The following CADM1 variants were observed in gnomAD, a reference collection of about 807,000 sequenced individuals.
The protein encoded by CADM1 is TSLC-1.
A neutral mutation model predicts 53.1 loss-of-function variants in CADM1; 15 were observed. That is an observed-to-expected ratio of 0.28 (90% CI 0.19 to 0.44). The LOEUF is 0.44. Among genes scored for constraint, CADM1 ranks in the 20% least tolerant of loss-of-function variants. The pLI is 1.00. For synonymous variants in CADM1, 281 were observed against 243.0 expected (o/e 1.16, Z -1.45); for missense variants, 434 against 611.3 (o/e 0.71, Z 3.06).
chr11:115,360,255 C>T (rs1184472279), intron 1 of CADM1, among the ~76,000 whole-genome samples: 1 of 152,200 alleles, frequency 6.6e-6, no homozygotes, highest in Non-Finnish European at 1.5e-5. Flanking sequence ...AAACAACTTG[C>T]ACTTTTGCTG....
chr11:115,242,626 G>A (rs938956875), intron 1 of CADM1, among the ~76,000 whole-genome samples: 3 of 152,152 alleles, frequency 2.0e-5, no homozygotes, highest in Non-Finnish European at 2.9e-5. Flanking sequence ...ACTGTCTTAA[G>A]GCATAGGACT....
chr11:115,458,263 A>G (rs1399476001), intron 1 of CADM1, among the ~76,000 whole-genome samples: 1 of 152,156 alleles, frequency 6.6e-6, no homozygotes, highest in African/African-American at 2.4e-5. Context: ...TATGTTCTAC[A>G]GCAAGCAGCA....
At chr11:115,504,127 C>T in intron 1 of CADM1, 144 bp downstream of exon 1, 1 of 1,245,442 alleles carries the variant, frequency 8.0e-7, no homozygotes, top group Non-Finnish European at 1.1e-6. Context: ...CCCTCTCAGC[C>T]CTGAGTTTCC....
chr11:115,487,546 TA>T (rs1436101495), intron 1 of CADM1, among the ~76,000 whole-genome samples: 1 of 152,020 alleles, frequency 6.6e-6, no homozygotes, highest in Admixed American at 6.6e-5. Flanking sequence ...CATTTTCGGT[TA>T]AAAAAGGTGA....
At chr11:115,456,795 A>C (rs1373471036) in intron 1 of CADM1, among the ~76,000 whole-genome samples, 2 of 152,176 alleles carry the variant, frequency 1.3e-5, no homozygotes, top group Non-Finnish European at 2.9e-5. Context: ...TATAAACCTC[A>C]AAAACACCAT....
chr11:115,446,935 G>A (rs1948464572), intron 1 of CADM1, among the ~76,000 whole-genome samples: 1 of 152,126 alleles, frequency 6.6e-6, no homozygotes, highest in Admixed American at 6.5e-5. Context: ...TGAGCAAACA[G>A]GTATGAATCC....
chr11:115,200,417 C>T (rs1425612991), intron 8 of CADM1, among the ~76,000 whole-genome samples: 1 of 152,190 alleles, frequency 6.6e-6, no homozygotes, highest in African/African-American at 2.4e-5. Flanking sequence ...TAGGCATCGG[C>T]TCCTTTCCAA....
intron 1 of CADM1, among the ~76,000 whole-genome samples, chr11:115,391,756 G>A (rs1946841991): frequency 6.6e-6 from 1 of 152,116 alleles, no homozygotes; most frequent in South Asian, 2.1e-4. Context: ...TGCACATTCT[G>A]ACATACAAAG....
intron 1 of CADM1, among the ~76,000 whole-genome samples, chr11:115,447,717 C>G (rs1948482666): frequency 2.6e-5 from 4 of 152,118 alleles, no homozygotes; most frequent in Admixed American, 2.6e-4. Flanking sequence ...TTTGCTGGCA[C>G]CCTCCTCAGA....
At chr11:115,404,347 ATAT>A (rs1352630157) in intron 1 of CADM1, among the ~76,000 whole-genome samples, 22 of 43,540 alleles carry the variant, frequency 5.1e-4, no homozygotes, top group African/African-American at 1.4e-3. Context: ...AAAAAAAAAA[ATAT>A]ATATATATAT....
chr11:115,445,669 C>T (rs1591249030), intron 1 of CADM1: 1 of 366,252 alleles, frequency 2.7e-6, no homozygotes, highest in African/African-American at 2.2e-5. Context: ...CATGGCAACA[C>T]CCTGTCTCAA....
chr11:115,432,931 G>A (rs557005145), intron 1 of CADM1, among the ~76,000 whole-genome samples: 4 of 152,340 alleles, frequency 2.6e-5, no homozygotes, highest in African/African-American at 9.6e-5. Context: ...TTACTCAAAT[G>A]ATCAAGGCCT....
intron 9 of CADM1, among the ~76,000 whole-genome samples, chr11:115,196,595 T>TAAAAAAAAAA (rs61694033): frequency 5.2e-5 from 4 of 76,878 alleles, no homozygotes; most frequent in Admixed American, 1.9e-4. Flanking sequence ...GCTGATGAAC[T>TAAAAAAAAAA]AAAAAAAAAA....
chr11:115,299,973 G>A (rs1944177056), intron 1 of CADM1, among the ~76,000 whole-genome samples: 1 of 152,084 alleles, frequency 6.6e-6, no homozygotes, highest in Admixed American at 6.6e-5. Flanking sequence ...AGAAAACTTA[G>A]TTTGTAGTAA....
At chr11:115,258,407 T>A (rs1565329189) in intron 1 of CADM1, among the ~76,000 whole-genome samples, 1 of 152,194 alleles carries the variant, frequency 6.6e-6, no homozygotes, top group Non-Finnish European at 1.5e-5. Context: ...TCAATACAGT[T>A]CTTATCTGTC....
At chr11:115,417,993 T>A (rs1243420702) in intron 1 of CADM1, among the ~76,000 whole-genome samples, 1 of 152,216 alleles carries the variant, frequency 6.6e-6, no homozygotes, top group African/African-American at 2.4e-5. Context: ...GGTCTGACTA[T>A]ATAACATCTA....
intron 1 of CADM1, among the ~76,000 whole-genome samples, chr11:115,244,417 C>T (rs952991032): frequency 1.3e-5 from 2 of 152,124 alleles, no homozygotes; most frequent in African/African-American, 2.4e-5. Context: ...ATATGGCCAC[C>T]GTAGGGAGGT....
intron 3 of CADM1, among the ~76,000 whole-genome samples, chr11:115,235,347 T>A (rs1941976135): frequency 6.6e-6 from 1 of 152,158 alleles, no homozygotes; most frequent in South Asian, 2.1e-4. Flanking sequence ...GTTAGTAAAG[T>A]ATAAAAATCC....
intron 1 of CADM1, among the ~76,000 whole-genome samples, chr11:115,427,112 ATAAAT>A (rs1317348534): frequency 6.6e-6 from 1 of 152,216 alleles, no homozygotes; most frequent in Non-Finnish European, 1.5e-5. Context: ...CATAGCAGAT[ATAAAT>A]TAAAATTTAC....
Sources: allele counts gnomAD v4.1 joint callset (sites outside exome capture counted in the v4.1 genomes callset), GRCh38; gene constraint gnomAD v4.1.1; transcripts MANE v1.5; gene names NCBI Gene and HGNC (gene_info 2026-07-23, HGNC 2026-07-21).